The following IQCB1 variants were observed in gnomAD, a reference collection of about 807,000 sequenced individuals.
The protein encoded by IQCB1 is IQ motif containing B1.
In IQCB1, 56 loss-of-function variants were observed where a neutral mutation model predicts 84.4. The observed-to-expected ratio is 0.66, with a 90% CI of 0.54 to 0.83. The LOEUF is 0.83. Among genes scored for constraint, IQCB1 ranks in the 40% least tolerant of loss-of-function variants. The pLI, the probability that IQCB1 is intolerant of heterozygous loss-of-function variation, is 0.00. For missense variants in IQCB1, 629 were observed against 682.1 expected, an observed-to-expected ratio of 0.92 and a Z score of 0.87; for synonymous variants, 210 against 234.8, an observed-to-expected ratio of 0.89 and a Z score of 0.96.
chr3:121,815,928 C>CAAAAAAAAAAAAAAAAAAA, intron 5 of IQCB1, among the ~76,000 whole-genome samples: 1 of 88,778 alleles, frequency 1.1e-5, no homozygotes, highest in Non-Finnish European at 2.2e-5. Context: ...CATGTGGAAC[C>CAAAAAAAAAAAAAAAAAAA]AAAAAAAAAA....
At chr3:121,820,260 G>C (rs1220066917) in intron 5 of IQCB1, among the ~76,000 whole-genome samples, 1 of 152,070 alleles carries the variant, frequency 6.6e-6, no homozygotes. Context: ...GGCAGGTAGA[G>C]CACCTAGCAA....
chr3:121,795,427 A>T (rs1559770640), intron 10 of IQCB1, 30 bp downstream of exon 10: 9 of 1,077,338 alleles, frequency 8.4e-6, no homozygotes, highest in Non-Finnish European at 8.7e-6. Flanking sequence ...AGATTCTATG[A>T]TCATCAATCC....
intron 5 of IQCB1, among the ~76,000 whole-genome samples, chr3:121,811,664 A>C (rs1185593954): frequency 6.6e-6 from 1 of 152,120 alleles, no homozygotes; most frequent in Non-Finnish European, 1.5e-5. Flanking sequence ...GGAAGTTTGG[A>C]CTGGGTGGAA....
chr3:121,787,815 T>A (rs1390253810), intron 12 of IQCB1, among the ~76,000 whole-genome samples: 2 of 151,952 alleles, frequency 1.3e-5, no homozygotes, highest in Non-Finnish European at 2.9e-5. Context: ...ACCTAATATC[T>A]CATCTGTGCA....
At chr3:121,834,075 G>C (rs1708111835) in intron 2 of IQCB1, 1 of 152,202 alleles carries the variant, frequency 6.6e-6, no homozygotes, top group Middle Eastern at 3.2e-3. Context: ...GTTCAAACTA[G>C]AGCCACCATC....
intron 14 of IQCB1, 115 bp from the exon 15 acceptor site, chr3:121,770,689 T>A: frequency 2.4e-6 from 2 of 828,932 alleles, no homozygotes; most frequent in South Asian, 2.7e-5. Context: ...CAACTCTGAA[T>A]GTACTACTTT....
At chr3:121,819,396 G>C (rs1051521156) in intron 5 of IQCB1, among the ~76,000 whole-genome samples, 2 of 152,196 alleles carry the variant, frequency 1.3e-5, no homozygotes, top group Admixed American at 6.5e-5. Context: ...GGTAATGTGA[G>C]CAATGGGGAG....
At chr3:121,809,718 T>C (rs896564398) in intron 5 of IQCB1, among the ~76,000 whole-genome samples, 9 of 152,126 alleles carry the variant, frequency 5.9e-5, no homozygotes, top group African/African-American at 2.2e-4. Flanking sequence ...AAGTATAGAT[T>C]CCATTTACAA....
intron 10 of IQCB1, among the ~76,000 whole-genome samples, chr3:121,795,025 C>T (rs745730795): frequency 3.9e-5 from 6 of 151,944 alleles, no homozygotes; most frequent in East Asian, 1.9e-4. Context: ...AAATAAATGC[C>T]GAACTATATC....
At chr3:121,833,383 ACTTT>A (rs1338014167) in intron 2 of IQCB1, among the ~76,000 whole-genome samples, 1 of 152,148 alleles carries the variant, frequency 6.6e-6, no homozygotes, top group Non-Finnish European at 1.5e-5. Context: ...CAATTTCTTG[ACTTT>A]CTGTTTTTCT....
chr3:121,825,953 A>T lies in IQCB1; in HGVS notation c.393+98T>A. On this transcript the variant is annotated intron_variant, in intron 5 of 14. Transcript: ENST00000310864. ...GAAAATGTTTAAATTCACTACTTTAATTGTACTTTCAGCCAAATATTGCAC... is the reference window on the plus strand; with the variant it reads ...GAAAATGTTTAAATTCACTACTTTATTTGTACTTTCAGCCAAATATTGCAC... 4 of 1,151,564 alleles carry T rather than the reference A, an allele frequency of 3.5e-6. No individual in the cohort carries two copies. In the South Asian group the frequency reaches 5.3e-5, roughly 15 times the overall value. 71.3% of individuals were successfully genotyped at this position (1,151,564 alleles called of 1,614,324 possible). A position where few individuals can be genotyped will look rare whatever the true frequency, so the allele number is the denominator to read the frequency against.
At chr3:121,807,688 ATTG>A (rs1010396935) in intron 6 of IQCB1, among the ~76,000 whole-genome samples, 10 of 151,982 alleles carry the variant, frequency 6.6e-5, no homozygotes, top group African/African-American at 2.4e-4. Context: ...CTAAGAATCT[ATTG>A]TTATCTCTTT....
intron 12 of IQCB1, among the ~76,000 whole-genome samples, chr3:121,784,085 T>C (rs1312114788): frequency 2.6e-5 from 4 of 152,214 alleles, no homozygotes; most frequent in Non-Finnish European, 5.9e-5. Flanking sequence ...ATTCACTTCT[T>C]GGAAATCTTA....
intron 5 of IQCB1, among the ~76,000 whole-genome samples, chr3:121,825,304 C>T (rs537982688): frequency 6.6e-6 from 1 of 152,206 alleles, no homozygotes; most frequent in African/African-American, 2.4e-5. Flanking sequence ...AGGTGATCCG[C>T]CCGCCTCGGC....
chr3:121,807,979 T>C (rs1949672491), intron 6 of IQCB1, among the ~76,000 whole-genome samples: 1 of 152,004 alleles, frequency 6.6e-6, no homozygotes, highest in Non-Finnish European at 1.5e-5. Flanking sequence ...CTTATACAAG[T>C]TGCTTAACCT....
chr3:121,799,232 T>C lies in IQCB1; in HGVS notation c.730A>G (p.Ile244Val), dbSNP rs1040002145. The change falls in exon 8 of 15, where the codon ATT becomes GTT. Residue 244 changes from isoleucine to valine, a missense_variant. Physicochemically the swap from Ile to Val is conservative, Grantham distance 29. Coordinates refer to ENST00000310864, the MANE Select transcript of IQCB1 (RefSeq NM_001023570.4). ...LLLMAESHQE[I>V]LILLRQSTCY... is the part of the protein sequence containing the mutation. ...GTACTTTGTCTCAGTAAAATCAAAA[T>C]TTCCTGATGGGATTCAGCCATCAAC... 2.5e-6 allele frequency: 4 copies of C among 1,610,570 alleles called. No homozygotes were observed. The Admixed American group carries it at 6.7e-5, about 27-fold the overall frequency.
At chr3:121,810,949 C>T (rs1949803092) in intron 5 of IQCB1, among the ~76,000 whole-genome samples, 1 of 152,136 alleles carries the variant, frequency 6.6e-6, no homozygotes, top group Admixed American at 6.5e-5. Flanking sequence ...TTACATGGAA[C>T]ACATATGCTC....
At chr3:121,771,991 T>A (rs897954038) in intron 14 of IQCB1, among the ~76,000 whole-genome samples, 1 of 151,984 alleles carries the variant, frequency 6.6e-6, no homozygotes, top group Non-Finnish European at 1.5e-5. Flanking sequence ...CTGGCCAACA[T>A]GGTGAAACTC....
chr3:121,803,713 T>C (rs997313652), intron 7 of IQCB1, among the ~76,000 whole-genome samples: 7 of 152,224 alleles, frequency 4.6e-5, no homozygotes, highest in Non-Finnish European at 7.4e-5. Flanking sequence ...TCTTTAGCAC[T>C]AGAAATATTC....
Sources: gnomAD v4.1 joint callset for allele counts (sites outside exome capture counted in the v4.1 genomes callset) on GRCh38, gnomAD v4.1.1 for gene constraint, MANE v1.5 for transcripts, NCBI Gene and HGNC (gene_info 2026-07-23, HGNC 2026-07-21) for gene names.